The following ZNF532 variants were observed in gnomAD, a reference collection of about 807,000 sequenced individuals.
ZNF532 encodes zinc finger protein 532.
Under a neutral mutation model 89.3 loss-of-function variants are expected in ZNF532, and 22 were observed. That is an observed-to-expected ratio of 0.25 (90% confidence interval 0.18 to 0.35). The LOEUF (loss-of-function observed/expected upper bound fraction) is 0.35. Among genes scored for constraint, ZNF532 ranks in the 10% least tolerant of loss-of-function variants. The probability of loss-of-function intolerance (pLI) is 1.00; values close to 1 mark genes in which losing one functional copy is unlikely to be tolerated. For missense variants in ZNF532, 1,132 were observed against 1,643.4 expected (o/e 0.69, Z 5.38); for synonymous variants, 606 against 649.6 (o/e 0.93, Z 1.02).
At chr18:58,867,635 C>T (rs994831196) in intron 2 of ZNF532, among the ~76,000 whole-genome samples, 3 of 152,124 alleles carry the variant, frequency 2.0e-5, no homozygotes, top group Non-Finnish European at 4.4e-5. Flanking sequence ...CAGAGCCCAG[C>T]CCCTGGTCGG....
chr18:58,925,957 C>T (rs182638622), intron 3 of ZNF532, among the ~76,000 whole-genome samples: 1 of 152,278 alleles, frequency 6.6e-6, no homozygotes, highest in East Asian at 1.9e-4. Context: ...TGTGTCTGTC[C>T]CTCTACCAGT....
intron 7 of ZNF532, among the ~76,000 whole-genome samples, chr18:58,968,091 T>C (rs7245090): frequency 6.6e-6 from 1 of 152,058 alleles, no homozygotes; most frequent in African/African-American, 2.4e-5. Context: ...CTTAAGACAT[T>C]TGTAGTTCAT....
intron 2 of ZNF532, among the ~76,000 whole-genome samples, chr18:58,875,272 A>G (rs986237148): frequency 6.6e-6 from 1 of 152,006 alleles, no homozygotes; most frequent in African/African-American, 2.4e-5. Context: ...CAGGCTCCCA[A>G]AGTGTTGGGA....
intron 7 of ZNF532, among the ~76,000 whole-genome samples, chr18:58,977,971 A>G (rs2067246775): frequency 6.6e-6 from 1 of 152,188 alleles, no homozygotes; most frequent in African/African-American, 2.4e-5. Flanking sequence ...TGTTCCATTC[A>G]TGAGGCTTGA....
intron 2 of ZNF532, among the ~76,000 whole-genome samples, chr18:58,902,688 C>T (rs2059678864): frequency 6.6e-6 from 1 of 151,972 alleles, no homozygotes; most frequent in Admixed American, 6.6e-5. Context: ...GACAGGGTTT[C>T]TCCATGTTGG....
chr18:58,941,711 C>T (rs1052435857), intron 5 of ZNF532, among the ~76,000 whole-genome samples: 2 of 152,064 alleles, frequency 1.3e-5, no homozygotes, highest in African/African-American at 2.4e-5. Flanking sequence ...TCAAGCAGTC[C>T]TCTCAAAGTG....
At chr18:58,899,253 A>G (rs888113749) in intron 2 of ZNF532, among the ~76,000 whole-genome samples, 8 of 152,252 alleles carry the variant, frequency 5.3e-5, no homozygotes, top group Non-Finnish European at 7.3e-5. Flanking sequence ...CAAATAAAAA[A>G]TACAAGATGC....
At chr18:58,921,181 T>A (rs1326695670) in intron 3 of ZNF532, among the ~76,000 whole-genome samples, 2 of 151,994 alleles carry the variant, frequency 1.3e-5, no homozygotes, top group African/African-American at 2.4e-5. Context: ...TATATACTAG[T>A]TGAGTTGTGG....
At chr18:58,957,406 CATATATATATATATATATAT>C (rs58182199) in intron 7 of ZNF532, among the ~76,000 whole-genome samples, 1 of 138,912 alleles carries the variant, frequency 7.2e-6, no homozygotes, top group Non-Finnish European at 1.5e-5. Flanking sequence ...ACTTAAAATA[CATATATATATATATATATAT>C]ATATATATAG....
Position 58,919,078 on chromosome 18 carries a change from C to G in ZNF532, c.791C>G (p.Ser264Cys). ...PSVAPSKTKS[S>C]SKLSSCIAAI... ...GTTGCGCCATCAAAGACAAAGTCGT[C>G]CTCCAAGCTCTCGTCCTGCATCGCT... Residue 264 changes from serine to cysteine, a missense_variant, in exon 3 of 10, where the codon TCC becomes TGC. Coordinates refer to ENST00000591808, the MANE Select transcript of ZNF532 (RefSeq NM_001375912.1). The surrounding 1 kb of genome is among the most constrained non-coding windows in gnomAD (Gnocchi z 6.1). 1 of 1,614,174 alleles carries G rather than the reference C, an allele frequency of 6.2e-7. No homozygotes were observed. The highest frequency in any genetic ancestry group is 8.5e-7 in the Non-Finnish European group (1 of 1,180,036).
At chr18:58,898,545 A>ACAGCCT (rs1811615440) in intron 2 of ZNF532, among the ~76,000 whole-genome samples, 1 of 152,222 alleles carries the variant, frequency 6.6e-6, no homozygotes, top group South Asian at 2.1e-4. Flanking sequence ...AGTCTAACAG[A>ACAGCCT]CAGCCTCACA....
chr18:58,976,139 A>G (rs538157429), intron 7 of ZNF532, among the ~76,000 whole-genome samples: 6 of 152,282 alleles, frequency 3.9e-5, no homozygotes, highest in African/African-American at 1.4e-4. Flanking sequence ...GGCAGGTTTG[A>G]TCTGGAAACT....
At chr18:58,951,648 T>TTTTTTTTTTGG (rs763112592) in intron 6 of ZNF532, among the ~76,000 whole-genome samples, 26,972 of 115,310 alleles carry the variant, frequency 0.23, 4,969 homozygotes, top group East Asian at 0.55. Flanking sequence ...GCCCTGTTGT[T>TTTTTTTTTTGG]TTTTTTTTTT....
chr18:58,920,117 G>C lies in ZNF532; in HGVS notation c.1830G>C (p.Thr610=). 1 of 1,613,956 alleles carries C rather than the reference G, an allele frequency of 6.2e-7. No homozygotes were observed. The highest frequency in any genetic ancestry group is 1.1e-5 in the South Asian group (1 of 91,072). ...NLSPPANAGI[T]LPTRGYKCLE... ...GTCCTCCCGCCAATGCAGGGATCAC[G>C]TTACCGACGCGTGGGTACAAGTGCT... The change falls in exon 3 of 10, where the codon ACG becomes ACC. Residue 610 remains threonine (T), a synonymous_variant. Coordinates refer to ENST00000591808, the MANE Select transcript of ZNF532 (RefSeq NM_001375912.1).
intron 2 of ZNF532, among the ~76,000 whole-genome samples, chr18:58,899,931 A>G (rs1189179710): frequency 6.6e-6 from 1 of 152,006 alleles, no homozygotes; most frequent in Non-Finnish European, 1.5e-5. Flanking sequence ...TATTTCAGTT[A>G]TTAATATTTA....
intron 3 of ZNF532, among the ~76,000 whole-genome samples, chr18:58,928,265 G>A (rs539525388): frequency 6.6e-6 from 1 of 152,108 alleles, no homozygotes. Flanking sequence ...GAGACTGCCA[G>A]TATGCCATGG....
chr18:58,878,852 G>T (rs950454964), intron 2 of ZNF532, among the ~76,000 whole-genome samples: 3 of 152,228 alleles, frequency 2.0e-5, no homozygotes, highest in African/African-American at 7.2e-5. Context: ...AGCTTACTCC[G>T]CATTCTTTTG....
chr18:58,961,607 A>G (rs750152223), intron 7 of ZNF532, among the ~76,000 whole-genome samples: 10 of 152,240 alleles, frequency 6.6e-5, no homozygotes, highest in Admixed American at 2.0e-4. Flanking sequence ...AATGACAAGT[A>G]GTATTTGTCA....
At chr18:58,941,681 C>G (rs2063044199) in intron 5 of ZNF532, among the ~76,000 whole-genome samples, 1 of 151,946 alleles carries the variant, frequency 6.6e-6, no homozygotes, top group African/African-American at 2.4e-5. Flanking sequence ...GTTGCCAAGG[C>G]TTGTCTTGAA....
Sources: gnomAD v4.1 joint callset for allele counts (sites outside exome capture counted in the v4.1 genomes callset) on GRCh38, gnomAD v4.1.1 for gene constraint, Gnocchi (gnomAD v3.1) non-coding constraint, MANE v1.5 for transcripts, NCBI Gene and HGNC (gene_info 2026-07-23, HGNC 2026-07-21) for gene names.